Variants in SEL1L2 observed in about 807,000 individuals in gnomAD.
SEL1L2 encodes the protein protein sel-1 homolog 2.
A neutral mutation model predicts 98.8 loss-of-function variants in SEL1L2; 89 were observed. That is an observed-to-expected ratio of 0.90 (90% CI 0.76 to 1.07). The LOEUF (loss-of-function observed/expected upper bound fraction) is 1.07, where lower values mean the gene tolerates loss of function less well. SEL1L2 is among the 50% of genes least tolerant of loss of function. The pLI is 0.00. For missense variants in SEL1L2, 788 were observed against 812.0 expected, an observed-to-expected ratio of 0.97 and a Z score of 0.36; for synonymous variants, 262 against 278.5, an observed-to-expected ratio of 0.94 and a Z score of 0.59.
intron 1 of SEL1L2, among the ~76,000 whole-genome samples, chr20:13,987,327 T>TG (rs1414376994): frequency 2.7e-3 from 263 of 98,286 alleles, no homozygotes; most frequent in South Asian, 0.015. Flanking sequence ...TTTTTTTTTT[T>TG]TTTTGTTGTT....
chr20:13,952,871 A>G (rs1288535144), intron 2 of SEL1L2, among the ~76,000 whole-genome samples: 1 of 152,164 alleles, frequency 6.6e-6, no homozygotes, highest in Non-Finnish European at 1.5e-5. Flanking sequence ...TCTATTAAAC[A>G]TATAAAAATT....
chr20:13,849,350 T>A lies in SEL1L2; in HGVS notation c.*135A>T. On this transcript the variant is annotated 3_prime_UTR_variant, in exon 20 of 20. Transcript: ENST00000284951. ...TTGTTTCTCTAGGATGGTCCCCAAG[T>A]CTTGTCTGTTTCCCATCACAGCCCT... is the stretch of plus-strand genomic sequence containing the variant. 1.7e-6 allele frequency: 2 copies of A among 1,143,526 alleles called. No homozygotes were observed. Among genetic ancestry groups the A allele is most frequent in the Admixed American group, 4.6e-5 (2 of 43,298 alleles). The allele number at this position is 1,143,526 out of a possible 1,614,324, so 70.8% of individuals were successfully genotyped here.
chr20:13,866,512 CT>C (rs1431679953), intron 15 of SEL1L2, among the ~76,000 whole-genome samples, 189 bp downstream of exon 15: 1 of 152,218 alleles, frequency 6.6e-6, no homozygotes. Context: ...GATCTTTTCT[CT>C]GTCTCCCTTC....
intron 3 of SEL1L2, among the ~76,000 whole-genome samples, chr20:13,929,770 G>C (rs547609043): frequency 6.7e-6 from 1 of 149,144 alleles, no homozygotes; most frequent in South Asian, 2.1e-4. Context: ...AAAGTGCTGG[G>C]ATTATAGGAG....
At chr20:13,853,175 GT>G (rs1988551371) in intron 18 of SEL1L2, among the ~76,000 whole-genome samples, 1 of 151,876 alleles carries the variant, frequency 6.6e-6, no homozygotes, top group African/African-American at 2.4e-5. Context: ...ATAATATGCA[GT>G]GTCCTAATAT....
At position 13,931,625 on chromosome 20, in the gene SEL1L2, G is replaced by C; in HGVS notation, c.261C>G (p.Ile87Met). The C allele has an allele frequency of 7.1e-7, 1 of 1,413,628 alleles. No individual in the cohort carries two copies. The highest frequency in any genetic ancestry group is 1.3e-5 in the South Asian group (1 of 76,960). 87.6% of individuals were successfully genotyped at this position (1,413,628 alleles called of 1,614,324 possible). A position where few individuals can be genotyped will look rare whatever the true frequency, so the allele number is the denominator to read the frequency against. The change falls in exon 3 of 20, where the codon ATC becomes ATG. Residue 87 changes from isoleucine (I) to methionine (M), a missense_variant. By Grantham distance (10) the Ile-to-Met change is conservative. Transcript: ENST00000284951. Reference protein sequence around the residue: ...IRIKGIQNKDILKRNKNHLQK... With the variant: ...IRIKGIQNKDMLKRNKNHLQK... ...TACAATGATTCTTATTTCTCTTCAA[G>C]ATATCTTTATTTTGAATTCCTTTTA...
intron 10 of SEL1L2, among the ~76,000 whole-genome samples, chr20:13,882,796 A>T (rs1287755112): frequency 6.6e-6 from 1 of 150,688 alleles, no homozygotes; most frequent in African/African-American, 2.4e-5. Flanking sequence ...GATAACTGAT[A>T]GATAAGTCAA....
chr20:13,872,843 C>T (rs910555648), intron 12 of SEL1L2, among the ~76,000 whole-genome samples: 1 of 152,166 alleles, frequency 6.6e-6, no homozygotes, highest in South Asian at 2.1e-4. Context: ...ATAAAATATG[C>T]CAGGTAGTGG....
chr20:13,930,336 A>G (rs1368056155), intron 3 of SEL1L2, among the ~76,000 whole-genome samples: 1 of 152,182 alleles, frequency 6.6e-6, no homozygotes, highest in Admixed American at 6.5e-5. Flanking sequence ...TAGTTCTGTC[A>G]CAGAGCCTTC....
intron 10 of SEL1L2, among the ~76,000 whole-genome samples, chr20:13,882,661 C>T (rs965170082): frequency 1.3e-5 from 2 of 152,084 alleles, no homozygotes; most frequent in African/African-American, 4.8e-5. Context: ...TGAGCCTGGC[C>T]CAGATCAGAA....
chr20:13,899,059 A>G (rs1382350636), intron 5 of SEL1L2, among the ~76,000 whole-genome samples: 3 of 152,018 alleles, frequency 2.0e-5, no homozygotes, highest in South Asian at 2.1e-4. Flanking sequence ...TATTTTTACA[A>G]TTTATTTATT....
chr20:13,941,519 T>C (rs1400993829), intron 2 of SEL1L2, among the ~76,000 whole-genome samples: 1 of 152,142 alleles, frequency 6.6e-6, no homozygotes, highest in Non-Finnish European at 1.5e-5. Flanking sequence ...AAAATGGAGA[T>C]GGACTGAATA....
chr20:13,984,747 C>A (rs560642209), intron 1 of SEL1L2, among the ~76,000 whole-genome samples: 2 of 151,496 alleles, frequency 1.3e-5, no homozygotes, highest in East Asian at 3.9e-4. Context: ...TGCTAAAGGG[C>A]ATTAAATATT....
intron 9 of SEL1L2, among the ~76,000 whole-genome samples, chr20:13,886,018 C>CA (rs1421311789): frequency 6.8e-6 from 1 of 147,996 alleles, no homozygotes; most frequent in Non-Finnish European, 1.5e-5. Context: ...GCCCGGGCGA[C>CA]AGAGTGAGAC....
At chr20:13,923,432 G>A (rs1281504028) in intron 3 of SEL1L2, among the ~76,000 whole-genome samples, 1 of 152,182 alleles carries the variant, frequency 6.6e-6, no homozygotes, top group African/African-American at 2.4e-5. Context: ...GGCCTTGTGT[G>A]TGGCCAATTT....
At chr20:13,914,277 C>T (rs1488420863) in intron 4 of SEL1L2, among the ~76,000 whole-genome samples, 1 of 152,074 alleles carries the variant, frequency 6.6e-6, no homozygotes, top group Non-Finnish European at 1.5e-5. Context: ...AATTGAGGAA[C>T]TTTTTCTAAA....
chr20:13,870,056 T>C, intron 13 of SEL1L2, 85 bp downstream of exon 13: 4 of 957,032 alleles, frequency 4.2e-6, no homozygotes, highest in Non-Finnish European at 6.5e-6. Context: ...ATAATAGAGA[T>C]AAATTCCTTT....
intron 1 of SEL1L2, among the ~76,000 whole-genome samples, chr20:13,963,269 C>G (rs2050865229): frequency 6.6e-6 from 1 of 151,858 alleles, no homozygotes; most frequent in Non-Finnish European, 1.5e-5. Flanking sequence ...TTAACTTCCA[C>G]GGACTATTGT....
intron 1 of SEL1L2, among the ~76,000 whole-genome samples, chr20:13,961,072 C>G (rs2050753820): frequency 6.6e-6 from 1 of 152,084 alleles, no homozygotes; most frequent in Non-Finnish European, 1.5e-5. Flanking sequence ...TCCATAACAA[C>G]CCACCAAAAT....
Sources: allele counts gnomAD v4.1 joint callset (sites outside exome capture counted in the v4.1 genomes callset), GRCh38; gene constraint gnomAD v4.1.1; transcripts MANE v1.5; gene names NCBI Gene and HGNC (gene_info 2026-07-23, HGNC 2026-07-21).